Variants in OPCML observed in about 807,000 individuals in gnomAD.
The protein encoded by OPCML is opioid binding protein/cell adhesion molecule like.
In OPCML, 13 loss-of-function variants were observed where a neutral mutation model predicts 37.8. That is an observed-to-expected ratio of 0.34 (90% CI 0.22 to 0.55). The LOEUF is 0.55. Among genes scored for constraint, OPCML ranks in the 20% least tolerant of loss-of-function variants. The probability of loss-of-function intolerance (pLI) is 0.91; values close to 1 mark genes in which losing one functional copy is unlikely to be tolerated. For synonymous variants in OPCML, 176 were observed against 168.8 expected, an observed-to-expected ratio of 1.04 and a Z score of -0.33; for missense variants, 341 against 435.6, an observed-to-expected ratio of 0.78 and a Z score of 1.93.
At chr11:132,429,499 C>T (rs2095989134) in intron 7 of OPCML, among the ~76,000 whole-genome samples, 1 of 152,080 alleles carries the variant, frequency 6.6e-6, no homozygotes, top group Non-Finnish European at 1.5e-5. Context: ...TCAAAAATGA[C>T]CAGAGATTCT....
Position 132,943,097 on chromosome 11 carries a change from G to C in OPCML, c.62-87C>G, listed in dbSNP as rs768078871. 7 of 1,614,016 alleles carry C rather than the reference G, an allele frequency of 4.3e-6. No individual in the cohort carries two copies. In the East Asian group the frequency reaches 1.1e-4, roughly 26 times the overall value. On this transcript the variant is annotated intron_variant, in intron 1 of 7. Coordinates refer to ENST00000524381, the MANE Select transcript of OPCML (RefSeq NM_001012393.5). The surrounding 1 kb of genome is among the most constrained non-coding windows in gnomAD (Gnocchi z 4.3). ...CAGGTACCCACAGACCCCCATTCTC[G>C]ACAGCCACAACTTCCCAGGACTCCG...
chr11:132,635,445 A>G (rs1237708992), intron 3 of OPCML, among the ~76,000 whole-genome samples: 4 of 152,022 alleles, frequency 2.6e-5, no homozygotes, highest in Non-Finnish European at 5.9e-5. Flanking sequence ...TCATCAAAGC[A>G]TATGATTTAG....
At chr11:132,973,415 C>T (rs1318289039) in intron 1 of OPCML, among the ~76,000 whole-genome samples, 1 of 152,202 alleles carries the variant, frequency 6.6e-6, no homozygotes, top group South Asian at 2.1e-4. Flanking sequence ...CCATTGACTC[C>T]TGTACTTTAA....
intron 2 of OPCML, among the ~76,000 whole-genome samples, chr11:132,892,663 A>G (rs1943696663): frequency 6.6e-6 from 1 of 152,166 alleles, no homozygotes; most frequent in East Asian, 1.9e-4. Flanking sequence ...GCTACTCGGG[A>G]GGCTGAGGCA....
At chr11:132,577,313 T>C (rs1016107182) in intron 3 of OPCML, among the ~76,000 whole-genome samples, 2 of 152,276 alleles carry the variant, frequency 1.3e-5, no homozygotes, top group Admixed American at 6.5e-5. Context: ...ATACCAACCA[T>C]TGTCAATTCT....
At chr11:133,311,235 G>A (rs562509532) in intron 1 of OPCML, among the ~76,000 whole-genome samples, 37 of 152,170 alleles carry the variant, frequency 2.4e-4, no homozygotes, top group African/African-American at 8.9e-4. Context: ...CATGTTTATT[G>A]GCATTTTCCT....
intron 1 of OPCML, among the ~76,000 whole-genome samples, chr11:133,045,481 G>A (rs1947990194): frequency 6.6e-6 from 1 of 152,220 alleles, no homozygotes. Flanking sequence ...CTGAAAAGGA[G>A]TGGCAGCTGC....
intron 2 of OPCML, among the ~76,000 whole-genome samples, chr11:132,785,273 C>A (rs1947169911): frequency 6.6e-6 from 1 of 152,146 alleles, no homozygotes; most frequent in Admixed American, 6.5e-5. Context: ...TTCCAGGCAA[C>A]AGGGTCTGTT....
rs554146156 is a variant in OPCML, at chr11:132,690,236, G to A, written c.147-32917C>T. Reference sequence around the variant, plus strand: ...GTTACAGGAGCCCATCACCATGCCTGGCCAAGCCAGGTTCTTAAACTTAAC... The same window carrying A: ...GTTACAGGAGCCCATCACCATGCCTAGCCAAGCCAGGTTCTTAAACTTAAC... On this transcript the variant is annotated intron_variant, in intron 2 of 7. Transcript: ENST00000524381. Among the ~76,000 whole-genome samples the A allele has an allele frequency of 2.0e-5, 3 of 152,250 alleles. No homozygotes were observed. The East Asian group carries it at 5.8e-4, about 29-fold the overall frequency.
At chr11:132,445,013 G>A (rs1489059867) in intron 4 of OPCML, among the ~76,000 whole-genome samples, 4 of 152,234 alleles carry the variant, frequency 2.6e-5, no homozygotes, top group East Asian at 1.9e-4. Context: ...ACTTGCTGGC[G>A]GTGACAGAAG....
intron 1 of OPCML, among the ~76,000 whole-genome samples, chr11:133,275,368 C>T (rs1030471542): frequency 1.3e-5 from 2 of 152,080 alleles, no homozygotes; most frequent in African/African-American, 4.8e-5. Flanking sequence ...TTCTTCTCAT[C>T]ATTAATTCTT....
At chr11:133,363,346 C>T (rs964655107) in intron 1 of OPCML, among the ~76,000 whole-genome samples, 2 of 152,148 alleles carry the variant, frequency 1.3e-5, no homozygotes, top group Non-Finnish European at 2.9e-5. Flanking sequence ...AGGGGTGGGG[C>T]GCACTAGATG....
chr11:133,456,826 A>G (rs1309078322), intron 1 of OPCML, among the ~76,000 whole-genome samples: 2 of 152,174 alleles, frequency 1.3e-5, no homozygotes, highest in Admixed American at 1.3e-4. Context: ...GTGATTTGAA[A>G]TCATCAACTC....
chr11:133,422,183 C>G, intron 1 of OPCML: 1 of 984,558 alleles, frequency 1.0e-6, no homozygotes, highest in Non-Finnish European at 1.2e-6. Context: ...TGTTCACTCC[C>G]TGCAAACAAA....
At chr11:132,536,122 C>T (rs1308802081) in intron 3 of OPCML, among the ~76,000 whole-genome samples, 1 of 152,178 alleles carries the variant, frequency 6.6e-6, no homozygotes, top group Non-Finnish European at 1.5e-5. Flanking sequence ...CCCAGAGCTG[C>T]CCAGCTTCCA....
At chr11:132,710,157 G>A (rs1400474415) in intron 2 of OPCML, among the ~76,000 whole-genome samples, 1 of 152,178 alleles carries the variant, frequency 6.6e-6, no homozygotes, top group Non-Finnish European at 1.5e-5. Flanking sequence ...AAATATTTCA[G>A]CTGAACATGT....
At chr11:133,237,593 G>A (rs1310833181) in intron 1 of OPCML, among the ~76,000 whole-genome samples, 1 of 152,238 alleles carries the variant, frequency 6.6e-6, no homozygotes, top group East Asian at 1.9e-4. Flanking sequence ...AGGCAGCCAA[G>A]AGTTATGGAG....
intron 4 of OPCML, among the ~76,000 whole-genome samples, chr11:132,446,750 T>TA (rs562095265): frequency 2.6e-4 from 39 of 151,418 alleles, no homozygotes; most frequent in Non-Finnish European, 5.0e-4. Flanking sequence ...AGTACTGCTT[T>TA]AAAAAAAAAC....
chr11:133,000,244 C>G (rs942505575), intron 1 of OPCML, among the ~76,000 whole-genome samples: 2 of 151,988 alleles, frequency 1.3e-5, no homozygotes, highest in African/African-American at 4.8e-5. Context: ...TCCCGAGTAG[C>G]TGGGATTACA....
Sources: allele counts gnomAD v4.1 joint callset (sites outside exome capture counted in the v4.1 genomes callset), GRCh38; gene constraint gnomAD v4.1.1; non-coding constraint Gnocchi (gnomAD v3.1); transcripts MANE v1.5; gene names NCBI Gene and HGNC (gene_info 2026-07-23, HGNC 2026-07-21).